CTSC: variants seen among roughly 807,000 people sequenced by gnomAD.
CTSC encodes dipeptidyl peptidase 1.
CTSC carries 37 observed loss-of-function variants against 40.9 expected under a neutral mutation model. The observed-to-expected ratio is 0.91, with a 90% CI of 0.70 to 1.19. The LOEUF (loss-of-function observed/expected upper bound fraction) is 1.19. CTSC is among the 50% of genes most tolerant of loss of function. CTSC has a pLI of 0.00. For synonymous variants in CTSC, 232 were observed against 207.4 expected, an observed-to-expected ratio of 1.12 and a Z score of -1.02; for missense variants, 594 against 567.3, an observed-to-expected ratio of 1.05 and a Z score of -0.48.
intron 2 of CTSC, chr11:88,328,233 G>A (rs771103543): frequency 2.8e-6 from 4 of 1,438,942 alleles, no homozygotes; most frequent in Non-Finnish European, 3.9e-6. Context: ...GAGTCATTAT[G>A]TTGAGATTAA....
intron 2 of CTSC, chr11:88,334,719 C>G (rs996818342): frequency 3.9e-6 from 2 of 515,174 alleles, no homozygotes; most frequent in Non-Finnish European, 6.9e-6. Context: ...ATAATTTATA[C>G]ATATTCAAAT....
intron 4 of CTSC, among the ~76,000 whole-genome samples, chr11:88,301,465 G>C (rs1400515709): frequency 6.6e-6 from 1 of 152,166 alleles, no homozygotes; most frequent in Non-Finnish European, 1.5e-5. Context: ...CCTGTGGAGT[G>C]TGCTTTCATT....
intron 2 of CTSC, chr11:88,324,368 C>T: frequency 1.0e-6 from 1 of 982,556 alleles, no homozygotes; most frequent in Non-Finnish European, 1.2e-6. Flanking sequence ...GTTATATTTA[C>T]ATCCTGAAAG....
intron 2 of CTSC, chr11:88,327,997 A>G (rs1938237418): frequency 1.3e-6 from 1 of 766,370 alleles, no homozygotes. Flanking sequence ...TAAGAAAACC[A>G]TAATCTCTCC....
chr11:88,312,571 G>T lies in CTSC; in HGVS notation c.319-17C>A, dbSNP rs771451810. 3.1e-6 allele frequency: 5 copies of T among 1,613,712 alleles called. No individual in the cohort carries two copies. The South Asian group carries it at 3.3e-5, about 11-fold the overall frequency. ...TTCTTTATACTGCAAACAAATAAGA[G>T]AAAAGAAAACCAAGTAAAATCTGTC... On this transcript the variant is annotated splice_polypyrimidine_tract_variant and intron_variant, in intron 2 of 6. Transcript: ENST00000227266.
intron 4 of CTSC, among the ~76,000 whole-genome samples, chr11:88,302,035 GC>G (rs1055922042): frequency 6.6e-6 from 1 of 152,058 alleles, no homozygotes. Context: ...CCACTCACCA[GC>G]CCCCAGCGAA....
intron 2 of CTSC, among the ~76,000 whole-genome samples, chr11:88,332,028 T>C (rs534490216): frequency 6.6e-6 from 1 of 152,302 alleles, no homozygotes; most frequent in Non-Finnish European, 1.5e-5. Flanking sequence ...AACAATCTAC[T>C]TCAAGCATAT....
intron 2 of CTSC, chr11:88,326,447 C>A: frequency 6.3e-7 from 1 of 1,598,136 alleles, no homozygotes; most frequent in Middle Eastern, 1.7e-4. Flanking sequence ...TTAATAACTA[C>A]AAGACAATAA....
At chr11:88,306,244 C>T (rs567084906) in intron 4 of CTSC, among the ~76,000 whole-genome samples, 4 of 152,220 alleles carry the variant, frequency 2.6e-5, no homozygotes, top group East Asian at 3.9e-4. Flanking sequence ...AAATGCCACA[C>T]CTTAGCATTA....
At position 88,308,084 on chromosome 11, in the gene CTSC, G is replaced by A. The variant is rs60385422; in HGVS notation, c.641+1079C>T. 7.5e-3 allele frequency among the ~76,000 whole-genome samples: 1,143 copies of A among 152,280 alleles called. 14 individuals carry two copies. The highest frequency in any genetic ancestry group is 0.026 in the African/African-American group (1,082 of 41,536). ...CGAAAGAGATGGCAGGCATGAAACCGCCTTTGCAAAAATTATACCAGTGAG... is the reference window on the plus strand; with the variant it reads ...CGAAAGAGATGGCAGGCATGAAACCACCTTTGCAAAAATTATACCAGTGAG... On this transcript the variant is annotated intron_variant, in intron 4 of 6. Coordinates refer to ENST00000227266, the MANE Select transcript of CTSC (RefSeq NM_001814.6).
chr11:88,303,215 C>T (rs927707356), intron 4 of CTSC, among the ~76,000 whole-genome samples: 2 of 152,034 alleles, frequency 1.3e-5, no homozygotes, highest in Non-Finnish European at 2.9e-5. Context: ...TGGGTTTTTC[C>T]CCACAAATCA....
rs1937965945 is a variant in CTSC at position 88,320,140 on chromosome 11, T to G, written c.319-7586A>C. On this transcript the variant is annotated intron_variant, in intron 2 of 6. Coordinates refer to ENST00000227266, the MANE Select transcript of CTSC (RefSeq NM_001814.6). ...TGGACTGAACCATGCATTTAAAAAG[T>G]CGAATTGTAATAAAATGCAAAACTG... Among the ~76,000 whole-genome samples the G allele has an allele frequency of 2.0e-5, 3 of 152,158 alleles. No homozygotes were observed. In the South Asian group the frequency reaches 6.2e-4, roughly 31 times the overall value.
At chr11:88,304,935 T>C (rs1207498154) in intron 4 of CTSC, among the ~76,000 whole-genome samples, 1 of 152,104 alleles carries the variant, frequency 6.6e-6, no homozygotes, top group East Asian at 1.9e-4. Flanking sequence ...CTGTTTCAAC[T>C]AAAAATACAA....
chr11:88,327,444 T>C (rs1938223178), intron 2 of CTSC, among the ~76,000 whole-genome samples: 1 of 152,138 alleles, frequency 6.6e-6, no homozygotes. Flanking sequence ...TCTCTATTAA[T>C]TTTACTCTCT....
intron 2 of CTSC, among the ~76,000 whole-genome samples, chr11:88,332,702 G>A (rs1311975710): frequency 2.0e-5 from 3 of 152,206 alleles, no homozygotes; most frequent in Non-Finnish European, 4.4e-5. Flanking sequence ...ACTGACCAGA[G>A]TGGTTGATTT....
At chr11:88,336,763 C>G (rs1033295464) in intron 1 of CTSC, among the ~76,000 whole-genome samples, 1 of 152,058 alleles carries the variant, frequency 6.6e-6, no homozygotes, top group East Asian at 1.9e-4. Flanking sequence ...CACCCCACCC[C>G]CTTCACTAGG....
chr11:88,329,839 GC>G (rs1430019503), intron 2 of CTSC, among the ~76,000 whole-genome samples: 1 of 152,154 alleles, frequency 6.6e-6, no homozygotes, highest in Admixed American at 6.5e-5. Flanking sequence ...TGATTCTACT[GC>G]CTCGGCCTCC....
At position 88,296,120 on chromosome 11, in the gene CTSC, A is replaced by G; in HGVS notation, c.889+13T>C. ...AAATAGCTCATAAATGGTGTCTGAA[A>G]TGCAACACTTACCTTGAGCATACTG... On this transcript the variant is annotated intron_variant, in intron 6 of 6. Transcript: ENST00000227266. 1 of 1,613,636 alleles carries G rather than the reference A, an allele frequency of 6.2e-7. No individual in the cohort carries two copies. The highest frequency in any genetic ancestry group is 2.2e-5 in the East Asian group (1 of 44,866).
At chr11:88,326,451 AC>A (rs1438380578) in intron 2 of CTSC, 16 of 1,590,376 alleles carry the variant, frequency 1.0e-5, no homozygotes, top group Admixed American at 1.0e-4. Context: ...TAACTACAAG[AC>A]AATAAAAACT....
Sources: allele counts gnomAD v4.1 joint callset (sites outside exome capture counted in the v4.1 genomes callset), GRCh38; gene constraint gnomAD v4.1.1; transcripts MANE v1.5; gene names NCBI Gene and HGNC (gene_info 2026-07-23, HGNC 2026-07-21).